Variants in AMER1 observed in about 807,000 individuals in gnomAD.
AMER1 encodes the protein RP11-403E24.2.
A neutral mutation model predicts 53.0 loss-of-function variants in AMER1; 16 were observed. The observed-to-expected ratio is 0.30, with a 90% confidence interval of 0.20 to 0.46. The LOEUF (loss-of-function observed/expected upper bound fraction) is 0.46, where lower values mean the gene tolerates loss of function less well. AMER1 is among the 20% of genes least tolerant of loss of function. The pLI is 1.00. For missense variants in AMER1, 947 were observed against 884.9 expected (o/e 1.07, Z -0.89); for synonymous variants, 354 against 331.9 (o/e 1.07, Z -0.73).
rs141956374 is a variant in AMER1 at position 64,191,676 on chromosome X, G to A, written c.1611C>T (p.Asp537=). ...AAAAGGGCTCAAAGTTTAAGAAGGG[G>A]TCAAACATCTCAGAGCTTCGACCAT... The part of the protein sequence containing the change: ...DLHGRSSEMF[D]PFLNFEPFLS... Residue 537 remains aspartate, a synonymous_variant, in exon 2 of 2, where the codon GAC becomes GAT. Transcript: ENST00000374869. The A allele has an allele frequency of 4.3e-4, 526 of 1,210,892 alleles. No homozygotes were observed. Among genetic ancestry groups the A allele is most frequent in the Non-Finnish European group, 5.6e-4 (503 of 895,388 alleles).
At chrX:64,202,475 G>A (rs1162015488) in intron 1 of AMER1, among the ~76,000 whole-genome samples, 1 of 111,765 alleles carries the variant, frequency 8.9e-6, no homozygotes, top group East Asian at 2.8e-4. Context: ...GTGACCTTAA[G>A]CGAGCCCCTG....
rs2147084131 is a variant in AMER1, at chrX:64,190,021, C to T, written c.3266G>A (p.Arg1089Lys). 1 of 1,206,964 alleles carries T rather than the reference C, an allele frequency of 8.3e-7. No homozygotes were observed. The change falls in exon 2 of 2, where the codon AGG becomes AAG. Residue 1089 changes from arginine to lysine, a missense_variant. Physicochemically the swap from Arg to Lys is conservative, Grantham distance 26 (BLOSUM62 2). Transcript: ENST00000374869. ...AGGCTGGGGGTGCTCAGGCCGGACC[C>T]TGGGCAGCTGAGGAATGCCATGGGT... ...GITHGIPQLP[R>K]VRPEHPQPQP...
chrX:64,195,686 T>C (rs1029734724), intron 1 of AMER1, among the ~76,000 whole-genome samples: 2 of 112,177 alleles, frequency 1.8e-5, no homozygotes, highest in African/African-American at 3.2e-5. Flanking sequence ...ATGGAACACT[T>C]TTATCCCAAA....
intron 1 of AMER1, among the ~76,000 whole-genome samples, chrX:64,201,893 G>A (rs746396315): frequency 8.9e-6 from 1 of 112,474 alleles, no homozygotes; most frequent in Admixed American, 9.3e-5. Flanking sequence ...CTGGAGTGCA[G>A]TGGCATGATC....
chrX:64,201,508 T>A (rs1365366267), intron 1 of AMER1, among the ~76,000 whole-genome samples: 8 of 106,203 alleles, frequency 7.5e-5, no homozygotes, highest in Non-Finnish European at 1.2e-4. Flanking sequence ...AACTATAGCA[T>A]GACAGGCTCA....
Position 64,193,028 on chromosome X carries a change from T to C in AMER1, c.259A>G (p.Lys87Glu), listed in dbSNP as rs1188765751. 4 of 1,210,099 alleles carry C rather than the reference T, an allele frequency of 3.3e-6. No homozygotes were observed. The highest frequency in any genetic ancestry group is 4.5e-6 in the Non-Finnish European group (4 of 895,245). The part of the protein sequence containing the change: ...RSKGSGKGSS[K>E]KGLSKSKTHD... ...GTCTTGCTCTTGCTGAGACCTTTCT[T>C]GGAGCTGCCTTTCCCAGAACCTTTG... Residue 87 changes from lysine to glutamate, a missense_variant, in exon 2 of 2, where the codon AAG (lysine) becomes GAG (glutamate). Lys to Glu is a moderately conservative substitution (Grantham distance 56). Coordinates refer to ENST00000374869, the MANE Select transcript of AMER1 (RefSeq NM_152424.4).
In AMER1 at chrX:64,189,793, A is replaced by ACGGGGGCCCCCCC; in HGVS notation, c.*85_*86insGGGGGGGCCCCCG. The ACGGGGGCCCCCCC allele has an allele frequency of 3.4e-6, 1 of 292,072 alleles. No individual in the cohort carries two copies. The highest frequency in any genetic ancestry group is 4.9e-6 in the Non-Finnish European group (1 of 204,830). The allele number at this position is 292,072 out of a possible 1,213,427, so 24.1% of individuals were successfully genotyped here. On this transcript the variant is annotated 3_prime_UTR_variant, in exon 2 of 2. Transcript: ENST00000374869. Reference sequence around the variant, plus strand: ...CAAAGGGTTTTCAAGTTAAACAACAACCCCCACCCCCCCACCCTTCTGCCC... The same window carrying ACGGGGGCCCCCCC: ...CAAAGGGTTTTCAAGTTAAACAACAACGGGGGCCCCCCCCCCCCACCCCCCCACCCTTCTGCCC...
chrX:64,192,882 C>A lies in AMER1; in HGVS notation c.405G>T (p.Gly135=), dbSNP rs200314312. The change falls in exon 2 of 2, where the codon GGG becomes GGT. Residue 135 remains glycine, a synonymous_variant. Transcript: ENST00000374869. Reference sequence around the variant, plus strand: ...TACATCTGGAGCCTGTCTCCAAAGCCCCATGGGCACTCTGAGAGCTGGGAA... The same window carrying A: ...TACATCTGGAGCCTGTCTCCAAAGCACCATGGGCACTCTGAGAGCTGGGAA... ...CQFPSSQSAH[G]ALETGSRCKT... 1.7e-6 allele frequency: 2 copies of A among 1,210,488 alleles called. No homozygotes were observed. The highest frequency in any genetic ancestry group is 3.5e-5 in the African/African-American group (2 of 57,330).
rs1367395146 is a variant in AMER1 at position 64,198,339 on chromosome X, C to T, written c.-98-4955G>A. Among the ~76,000 whole-genome samples the T allele has an allele frequency of 3.6e-5, 4 of 111,658 alleles. No homozygotes were observed. In the Admixed American group the frequency reaches 3.8e-4, roughly 11 times the overall value. ...TATTTACCACTTTATAAAGCACTCC[C>T]TACTCCCATACCCCCCCATTTGCCC... On this transcript the variant is annotated intron_variant, in intron 1 of 1. Transcript: ENST00000374869.
chrX:64,191,043 A>G lies in AMER1; in HGVS notation c.2244T>C (p.Tyr748=). The change falls in exon 2 of 2, where the codon TAT becomes TAC. Residue 748 remains tyrosine, a synonymous_variant. Coordinates refer to ENST00000374869, the MANE Select transcript of AMER1 (RefSeq NM_152424.4). ...GGSPRRAYPT[Y]SPPEDPEEEE... ...CTTCCTCTGGATCTTCAGGGGGTGAATAAGTAGGGTAGGCCCTCCTGGGAG... is the reference window on the plus strand; with the variant it reads ...CTTCCTCTGGATCTTCAGGGGGTGAGTAAGTAGGGTAGGCCCTCCTGGGAG... The G allele has an allele frequency of 8.3e-7, 1 of 1,211,976 alleles. No individual in the cohort carries two copies. Among genetic ancestry groups the G allele is most frequent in the African/African-American group, 1.7e-5 (1 of 57,879 alleles).
In AMER1 at chrX:64,186,986, A is replaced by G. The variant is rs142832053; in HGVS notation, c.*2893T>C. On this transcript the variant is annotated 3_prime_UTR_variant, in exon 2 of 2. Coordinates refer to ENST00000374869, the MANE Select transcript of AMER1 (RefSeq NM_152424.4). ...CCCATTTTCCCTTAAAATCACATCC[A>G]AAAGCATTATTCCAGGACCTTGCAA... The G allele has an allele frequency of 2.0e-4, 158 of 775,188 alleles. No individual in the cohort carries two copies. Among genetic ancestry groups the G allele is most frequent in the Admixed American group, 5.0e-4 (6 of 11,964 alleles). 63.9% of individuals were successfully genotyped at this position (775,188 alleles called of 1,213,427 possible).
rs1448819035 is a variant in AMER1 at position 64,198,186 on chromosome X, C to G, written c.-98-4802G>C. On this transcript the variant is annotated intron_variant, in intron 1 of 1. Coordinates refer to ENST00000374869, the MANE Select transcript of AMER1 (RefSeq NM_152424.4). ...ATATTCAGGGACCTAAAAGAGTCAG[C>G]TACTGGCTAGCAGCCAAGGATTATC... Among the ~76,000 whole-genome samples, 3 of 112,346 alleles carry G rather than the reference C, an allele frequency of 2.7e-5. No individual in the cohort carries two copies. In the East Asian group the frequency reaches 8.5e-4, roughly 32 times the overall value.
Position 64,187,933 on chromosome X carries a change from G to T in AMER1, c.*1946C>A, listed in dbSNP as rs1287459646. 1 of 777,887 alleles carries T rather than the reference G, an allele frequency of 1.3e-6. No homozygotes were observed. Among genetic ancestry groups the T allele is most frequent in the African/African-American group, 2.3e-5 (1 of 44,011 alleles). The allele number at this position is 777,887 out of a possible 1,213,427, so 64.1% of individuals were successfully genotyped here. ...AAAGTCAGCCTGAAGAGCTGGTCTGGGTCCCTTGAGTGGTGGTGTTAGTGC... is the reference window on the plus strand; with the variant it reads ...AAAGTCAGCCTGAAGAGCTGGTCTGTGTCCCTTGAGTGGTGGTGTTAGTGC... On this transcript the variant is annotated 3_prime_UTR_variant, in exon 2 of 2. Transcript: ENST00000374869.
rs1307628452 is a variant in AMER1 at position 64,199,082 on chromosome X, C to T, written c.-98-5698G>A. Among the ~76,000 whole-genome samples the T allele has an allele frequency of 4.5e-5, 5 of 112,132 alleles. No homozygotes were observed. The East Asian group carries it at 1.1e-3, about 25-fold the overall frequency. On this transcript the variant is annotated intron_variant, in intron 1 of 1. Coordinates refer to ENST00000374869, the MANE Select transcript of AMER1 (RefSeq NM_152424.4). Reference sequence around the variant, plus strand: ...GCAGCTGGCAGAGCCCCTTCAGCTCCTCCCCTAATTTGCAGCCTTCCTGCT... The same window carrying T: ...GCAGCTGGCAGAGCCCCTTCAGCTCTTCCCCTAATTTGCAGCCTTCCTGCT...
chrX:64,201,244 C>A (rs765408599), intron 1 of AMER1, among the ~76,000 whole-genome samples: 28 of 110,944 alleles, frequency 2.5e-4, no homozygotes, highest in Non-Finnish European at 5.1e-4. Context: ...GGTTCTGGTT[C>A]CCCTGCCTGC....
chrX:64,187,264 G>A lies in AMER1; in HGVS notation c.*2615C>T, dbSNP rs973313915. The A allele has an allele frequency of 3.7e-5, 29 of 786,571 alleles. No homozygotes were observed. The highest frequency in any genetic ancestry group is 2.0e-5 in the Non-Finnish European group (13 of 659,489). The allele number at this position is 786,571 out of a possible 1,213,427, so 64.8% of individuals were successfully genotyped here. On this transcript the variant is annotated 3_prime_UTR_variant, in exon 2 of 2. Transcript: ENST00000374869. The stretch of plus-strand genomic sequence containing the variant: ...AACTGCTTAGCTCTAGAAATTCAAA[G>A]GAACCTGCTTCTGCAGCCACATATC...
Position 64,188,212 on chromosome X carries a change from G to A in AMER1, c.*1667C>T, listed in dbSNP as rs1464660786. ...GTTGACTTCTTCTCTCAACAGGCAT[G>A]GAGATGGTGGGATGTGAGGGCGAGG... On this transcript the variant is annotated 3_prime_UTR_variant, in exon 2 of 2. Coordinates refer to ENST00000374869, the MANE Select transcript of AMER1 (RefSeq NM_152424.4). The A allele has an allele frequency of 3.7e-6, 3 of 803,410 alleles. No individual in the cohort carries two copies. Among genetic ancestry groups the A allele is most frequent in the Non-Finnish European group, 3.0e-6 (2 of 670,053 alleles). 66.2% of individuals were successfully genotyped at this position (803,410 alleles called of 1,213,427 possible).
In AMER1 at chrX:64,193,615, C is replaced by T. The variant is rs752687229; in HGVS notation, c.-98-231G>A. On this transcript the variant is annotated intron_variant, in intron 1 of 1. Coordinates refer to ENST00000374869, the MANE Select transcript of AMER1 (RefSeq NM_152424.4). ...GCAACAAGAAGCCTTCATCCCCTACCTTCTTGCTGGGTCCACTCCCTTCAG... is the reference window on the plus strand; with the variant it reads ...GCAACAAGAAGCCTTCATCCCCTACTTTCTTGCTGGGTCCACTCCCTTCAG... 1.6e-3 allele frequency among the ~76,000 whole-genome samples: 185 copies of T among 112,354 alleles called. 1 individual carries two copies. Among genetic ancestry groups the T allele is most frequent in the Non-Finnish European group, 6.2e-4 (33 of 53,236 alleles).
chrX:64,189,522 A>ATATATATG lies in AMER1; in HGVS notation c.*356_*357insCATATATA, dbSNP rs1390277925. On this transcript the variant is annotated 3_prime_UTR_variant, in exon 2 of 2. Transcript: ENST00000374869. ...TGTGTGTGTGTGTGTGTGTATATAT[A>ATATATATG]TATATATATATATATATATATATAT... The ATATATATG allele has an allele frequency of 1.7e-5, 1 of 57,732 alleles. No individual in the cohort carries two copies. Among genetic ancestry groups the ATATATATG allele is most frequent in the Non-Finnish European group, 2.4e-5 (1 of 41,439 alleles). The allele number at this position is 57,732 out of a possible 1,213,427, so 4.8% of individuals were successfully genotyped here.
Sources: gnomAD v4.1 joint callset for allele counts (sites outside exome capture counted in the v4.1 genomes callset) on GRCh38, gnomAD v4.1.1 for gene constraint, MANE v1.5 for transcripts, NCBI Gene and HGNC (gene_info 2026-07-23, HGNC 2026-07-21) for gene names.